Variants in RYR2 observed in about 807,000 individuals in gnomAD.
The protein encoded by RYR2 is cardiac muscle ryanodine receptor-calcium release channel.
In RYR2, 227 loss-of-function variants were observed where a neutral mutation model predicts 601.1. The ratio of observed to expected loss-of-function variants is 0.38; its 90% CI spans 0.34 to 0.42. The LOEUF is 0.42. Ranked by LOEUF, RYR2 falls within the 10% of genes least tolerant of loss-of-function variation. The pLI is 1.00. For missense variants in RYR2, 4,646 were observed against 6,156.5 expected (o/e 0.75, Z 8.21); for synonymous variants, 2,223 against 2,175.1 (o/e 1.02, Z -0.61).
At chr1:237,425,493 G>T (rs537837481) in intron 12 of RYR2, among the ~76,000 whole-genome samples, 2 of 152,166 alleles carry the variant, frequency 1.3e-5, no homozygotes, top group South Asian at 4.1e-4. Flanking sequence ...AATTAGTCGG[G>T]CGTGGTGACA....
At chr1:237,137,614 CAG>C (rs1672932987) in intron 1 of RYR2, among the ~76,000 whole-genome samples, 1 of 152,186 alleles carries the variant, frequency 6.6e-6, no homozygotes. Context: ...TCTTTGAAAG[CAG>C]TGCTTCTGTT....
At chr1:237,821,706 G>A (rs969528667) in intron 101 of RYR2, among the ~76,000 whole-genome samples, 1 of 151,948 alleles carries the variant, frequency 6.6e-6, no homozygotes, top group African/African-American at 2.4e-5. Flanking sequence ...GCTTCAGAAG[G>A]TGGGTAATAA....
chr1:237,560,114 G>A (rs538466223), intron 27 of RYR2, among the ~76,000 whole-genome samples: 1 of 152,352 alleles, frequency 6.6e-6, no homozygotes, highest in East Asian at 1.9e-4. Flanking sequence ...AGAGGTGTAA[G>A]CTTTCTCAGG....
At chr1:237,594,886 G>GT (rs776702428) in intron 33 of RYR2, among the ~76,000 whole-genome samples, 1 of 60,418 alleles carries the variant, frequency 1.7e-5, no homozygotes, top group African/African-American at 9.5e-5. Context: ...ATATCACTGG[G>GT]TTTTTTTTTT....
At chr1:237,186,781 C>T (rs567529652) in intron 1 of RYR2, among the ~76,000 whole-genome samples, 143 of 152,324 alleles carry the variant, frequency 9.4e-4, no homozygotes, top group African/African-American at 3.3e-3. Context: ...CATAATTATT[C>T]GCATCTCCTT....
chr1:237,202,439 G>C (rs753932172), intron 1 of RYR2, among the ~76,000 whole-genome samples: 30 of 151,882 alleles, frequency 2.0e-4, no homozygotes, highest in Non-Finnish European at 3.7e-4. Flanking sequence ...TCAGGGTCTC[G>C]CTCTGTTGCC....
At chr1:237,793,832 A>C (rs1041467890) in intron 94 of RYR2, 35 bp from the exon 95 acceptor site, 1 of 1,524,170 alleles carries the variant, frequency 6.6e-7, no homozygotes, top group African/African-American at 1.4e-5. Flanking sequence ...CAGTAAATCT[A>C]AACTAATTTT....
intron 10 of RYR2, among the ~76,000 whole-genome samples, chr1:237,400,593 C>T (rs554028810): frequency 1.9e-3 from 286 of 152,088 alleles, no homozygotes; most frequent in Non-Finnish European, 3.6e-3. Context: ...GGGAGGGAGA[C>T]TCAAAGTTGG....
intron 48 of RYR2, among the ~76,000 whole-genome samples, chr1:237,643,836 G>A (rs1047269088): frequency 2.0e-5 from 3 of 152,036 alleles, no homozygotes; most frequent in Admixed American, 6.5e-5. Flanking sequence ...GGATGGTCTC[G>A]ATCTCCTGAC....
chr1:237,325,721 T>TA (rs1243406101), intron 2 of RYR2, among the ~76,000 whole-genome samples: 1 of 151,168 alleles, frequency 6.6e-6, no homozygotes, highest in Admixed American at 6.6e-5. Context: ...AAAAATATAT[T>TA]AAAAAAAGAA....
rs1057524827 is a variant in RYR2 at position 237,593,507 on chromosome 1, A to G, written c.4307A>G (p.Gln1436Arg). The G allele has an allele frequency of 6.2e-7, 1 of 1,613,716 alleles. No individual in the cohort carries two copies. The highest frequency in any genetic ancestry group is 8.5e-7 in the Non-Finnish European group (1 of 1,179,800). Residue 1436 changes from glutamine (Q) to arginine (R), a missense_variant, in exon 33 of 105, where the codon CAA (glutamine) becomes CGA (arginine). Around this residue, in one of 17 missense-constraint regions of RYR2, gnomAD observed 1,807 missense variants for 2,088.1 expected, o/e 0.87. Coordinates refer to ENST00000366574, the MANE Select transcript of RYR2 (RefSeq NM_001035.3). ...TACTCAGTGAGAATCTTTCCTGGAC[A>G]AGAACCTGCTAATGTCTGGGTGGGC... ...YYYSVRIFPG[Q>R]EPANVWVGWI...
At chr1:237,623,688 G>A (rs1275260348) in intron 38 of RYR2, 77 bp from the exon 39 acceptor site, 11 of 904,650 alleles carry the variant, frequency 1.2e-5, no homozygotes, top group East Asian at 5.0e-5. Flanking sequence ...CACTCCGCCC[G>A]GCCCTGCTGT....
intron 98 of RYR2, chr1:237,802,231 T>G (rs1660059423): frequency 5.2e-6 from 1 of 193,996 alleles, no homozygotes; most frequent in South Asian, 1.8e-4. Context: ...AACTCCTAAA[T>G]AATTTTAAAA....
intron 98 of RYR2, among the ~76,000 whole-genome samples, chr1:237,804,377 A>G (rs1660372266): frequency 1.4e-5 from 2 of 141,352 alleles, no homozygotes; most frequent in Non-Finnish European, 3.1e-5. Context: ...TCAGTTCCAC[A>G]TGGTCCTTGA....
chr1:237,619,033 A>G (rs1398916612), intron 38 of RYR2, among the ~76,000 whole-genome samples: 1 of 152,162 alleles, frequency 6.6e-6, no homozygotes, highest in Non-Finnish European at 1.5e-5. Context: ...CCTGGCAGCA[A>G]TAAGATACCC....
At chr1:237,577,302 G>A (rs539917136) in intron 29 of RYR2, among the ~76,000 whole-genome samples, 3 of 152,270 alleles carry the variant, frequency 2.0e-5, no homozygotes, top group South Asian at 2.1e-4. Flanking sequence ...ATGGTAGGCC[G>A]AATAATGTCC....
chr1:237,309,974 G>T (rs759868073), intron 2 of RYR2, among the ~76,000 whole-genome samples: 2 of 152,278 alleles, frequency 1.3e-5, no homozygotes, highest in South Asian at 4.1e-4. Context: ...GCGCAGCTCT[G>T]GTTCCTGCCC....
In RYR2 at chr1:237,042,408, C is replaced by T. The variant is rs1558129925; in HGVS notation, c.-114C>T. ...CGGCGCTCGGCACCCGGCAGCGCGG[C>T]CCCCTCCAGCCCCCGGCTCCCGGCA... On this transcript the variant is annotated 5_prime_UTR_variant, in exon 1 of 105. Transcript: ENST00000366574. 2.0e-6 allele frequency: 2 copies of T among 1,023,214 alleles called. No individual in the cohort carries two copies. Among genetic ancestry groups the T allele is most frequent in the Admixed American group, 4.6e-5 (1 of 21,690 alleles). 63.4% of individuals were successfully genotyped at this position (1,023,214 alleles called of 1,614,324 possible). A position where few individuals can be genotyped will look rare whatever the true frequency, so the allele number is the denominator to read the frequency against.
At chr1:237,248,280 CCG>C (rs1233050741) in intron 1 of RYR2, among the ~76,000 whole-genome samples, 13 of 70,146 alleles carry the variant, frequency 1.9e-4, no homozygotes, top group African/African-American at 7.4e-4. Flanking sequence ...CCCCGCAACC[CCG>C]CCCCCCCCCC....
Sources: gnomAD v4.1 joint callset for allele counts (sites outside exome capture counted in the v4.1 genomes callset) on GRCh38, gnomAD v4.1.1 for gene constraint, gnomAD v4.1.1 regional missense constraint, MANE v1.5 for transcripts, NCBI Gene and HGNC (gene_info 2026-07-23, HGNC 2026-07-21) for gene names.